SNX29: variants seen among roughly 807,000 people sequenced by gnomAD.
The protein encoded by SNX29 is sorting nexin-29.
SNX29 carries 78 observed loss-of-function variants against 102.1 expected under a neutral mutation model. The observed-to-expected ratio is 0.76, with a 90% CI of 0.64 to 0.92. The LOEUF (loss-of-function observed/expected upper bound fraction) is 0.92. SNX29 is among the 40% of genes least tolerant of loss of function. SNX29 has a pLI of 0.00. For synonymous variants in SNX29, 580 were observed against 414.5 expected (o/e 1.40, Z -4.85); for missense variants, 1,280 against 1,061.7 (o/e 1.21, Z -2.86).
chr16:12,357,692 G>A (rs962967460), intron 16 of SNX29, among the ~76,000 whole-genome samples: 1 of 152,104 alleles, frequency 6.6e-6, no homozygotes, highest in Non-Finnish European at 1.5e-5. Flanking sequence ...AACAGTCAGT[G>A]CCTGCTCCCC....
intron 19 of SNX29, among the ~76,000 whole-genome samples, chr16:12,483,989 T>C (rs1401291902): frequency 1.3e-5 from 2 of 152,236 alleles, no homozygotes; most frequent in Non-Finnish European, 2.9e-5. Flanking sequence ...CAAGCTGGGA[T>C]GACGTTTCTG....
At chr16:12,170,261 C>T (rs1411292114) in intron 13 of SNX29, among the ~76,000 whole-genome samples, 1 of 151,862 alleles carries the variant, frequency 6.6e-6, no homozygotes, top group Non-Finnish European at 1.5e-5. Context: ...GTGAGAGTGG[C>T]AGCGCATGTG....
At chr16:12,122,360 G>C (rs1435491644) in intron 11 of SNX29, among the ~76,000 whole-genome samples, 2 of 152,158 alleles carry the variant, frequency 1.3e-5, no homozygotes, top group Admixed American at 6.6e-5. Context: ...TACAAGTGGG[G>C]TGGGTGGGAC....
chr16:12,151,691 T>C (rs1055339062), intron 13 of SNX29, among the ~76,000 whole-genome samples: 2 of 152,336 alleles, frequency 1.3e-5, no homozygotes, highest in South Asian at 4.1e-4. Context: ...TTACATTTTC[T>C]CACACAACCT....
At chr16:12,555,966 G>A (rs759069492) in intron 20 of SNX29, among the ~76,000 whole-genome samples, 1 of 150,844 alleles carries the variant, frequency 6.6e-6, no homozygotes, top group Admixed American at 6.6e-5. Context: ...AACACCATCT[G>A]CGTGGCTTTC....
chr16:12,029,548 C>G, intron 4 of SNX29: 1 of 453,482 alleles, frequency 2.2e-6, no homozygotes, highest in Admixed American at 2.4e-5. Context: ...GAACCACTGC[C>G]GTTATTGGCG....
intron 16 of SNX29, among the ~76,000 whole-genome samples, chr16:12,394,728 G>A (rs1472688073): frequency 6.6e-6 from 1 of 152,232 alleles, no homozygotes; most frequent in East Asian, 1.9e-4. Flanking sequence ...AGCACCTGAA[G>A]GCACTGAGGC....
At chr16:12,415,328 C>T (rs2151562896) in intron 18 of SNX29, among the ~76,000 whole-genome samples, 1 of 152,320 alleles carries the variant, frequency 6.6e-6, no homozygotes, top group Non-Finnish European at 1.5e-5. Context: ...GCCCACTCGG[C>T]AGGATTGCCT....
rs1034271001 is a variant in SNX29 at position 12,540,733 on chromosome 16, A to G, written c.2318+15892A>G. On this transcript the variant is annotated intron_variant, in intron 20 of 20. Transcript: ENST00000566228. Reference sequence around the variant, plus strand: ...ACGCTCCAGGGATGAAGAGCTGGGCATCCTTGGGGCACCATTGATCTTACC... The same window carrying G: ...ACGCTCCAGGGATGAAGAGCTGGGCGTCCTTGGGGCACCATTGATCTTACC... 5.3e-5 allele frequency among the ~76,000 whole-genome samples: 8 copies of G among 152,318 alleles called. No homozygotes were observed. The East Asian group carries it at 7.7e-4, about 15-fold the overall frequency.
At chr16:12,454,349 G>A (rs1485695579) in intron 18 of SNX29, among the ~76,000 whole-genome samples, 2 of 152,182 alleles carry the variant, frequency 1.3e-5, no homozygotes, top group Non-Finnish European at 2.9e-5. Context: ...CAGACTGCTT[G>A]TCCATCAGAA....
At chr16:12,173,179 T>C (rs2076186586) in intron 13 of SNX29, among the ~76,000 whole-genome samples, 3 of 152,236 alleles carry the variant, frequency 2.0e-5, no homozygotes, top group Admixed American at 2.0e-4. Context: ...GAGATAAAGC[T>C]GGTCTTAGAA....
chr16:12,408,331 A>G (rs2098761), intron 18 of SNX29, among the ~76,000 whole-genome samples: 75,081 of 151,942 alleles, frequency 0.49, 19,406 homozygotes, highest in Non-Finnish European at 0.58. Context: ...TTTCCATAGG[A>G]CCTCTCTGGG....
intron 18 of SNX29, among the ~76,000 whole-genome samples, chr16:12,420,981 A>T (rs896477280): frequency 6.6e-6 from 1 of 152,232 alleles, no homozygotes; most frequent in Admixed American, 6.5e-5. Flanking sequence ...CCTGTGTACT[A>T]GGTGCTATGC....
At chr16:12,180,923 A>AT (rs1290628555) in intron 13 of SNX29, among the ~76,000 whole-genome samples, 1 of 152,112 alleles carries the variant, frequency 6.6e-6, no homozygotes, top group African/African-American at 2.4e-5. Flanking sequence ...CCTGGCTCTT[A>AT]TCCCCCATTT....
intron 8 of SNX29, among the ~76,000 whole-genome samples, chr16:12,060,026 A>G (rs777576216): frequency 4.6e-5 from 7 of 152,170 alleles, no homozygotes; most frequent in Non-Finnish European, 8.8e-5. Flanking sequence ...TTCTTTATCT[A>G]CTGAGATACA....
chr16:12,458,624 A>T (rs1324066679), intron 18 of SNX29, among the ~76,000 whole-genome samples: 1 of 152,226 alleles, frequency 6.6e-6, no homozygotes, highest in Admixed American at 6.5e-5. Flanking sequence ...AACAATTCCC[A>T]GTCACGGCGA....
At chr16:12,184,617 G>C (rs1216769867) in intron 13 of SNX29, among the ~76,000 whole-genome samples, 1 of 152,104 alleles carries the variant, frequency 6.6e-6, no homozygotes, top group African/African-American at 2.4e-5. Context: ...TTCACGCTTG[G>C]GCACTGACCT....
chr16:12,092,032 C>G (rs1450176743), intron 11 of SNX29, among the ~76,000 whole-genome samples: 1 of 152,180 alleles, frequency 6.6e-6, no homozygotes, highest in African/African-American at 2.4e-5. Flanking sequence ...AAGAGGCCCT[C>G]TTTCCCTGGC....
intron 1 of SNX29, among the ~76,000 whole-genome samples, chr16:11,985,567 C>G (rs1567493973): frequency 6.6e-6 from 1 of 152,324 alleles, no homozygotes; most frequent in African/African-American, 2.4e-5. Flanking sequence ...AGCCGCTCCT[C>G]CATGGAGCGG....
Sources: gnomAD v4.1 joint callset for allele counts (sites outside exome capture counted in the v4.1 genomes callset) on GRCh38, gnomAD v4.1.1 for gene constraint, MANE v1.5 for transcripts, NCBI Gene and HGNC (gene_info 2026-07-23, HGNC 2026-07-21) for gene names.